OTC: variants seen among roughly 807,000 people sequenced by gnomAD.
OTC encodes the protein ornithine transcarbamylase, mitochondrial.
A neutral mutation model predicts 30.3 loss-of-function variants in OTC; 3 were observed. The ratio of observed to expected loss-of-function variants is 0.10; its 90% CI spans 0.05 to 0.26. OTC has a LOEUF of 0.26. Ranked by LOEUF, OTC falls within the 10% of genes least tolerant of loss-of-function variation. The probability of loss-of-function intolerance (pLI) is 1.00; values close to 1 mark genes in which losing one functional copy is unlikely to be tolerated. For missense variants in OTC, 194 were observed against 260.3 expected (o/e 0.75, Z 1.75); for synonymous variants, 111 against 99.7 (o/e 1.11, Z -0.67).
chrX:38,378,774 A>G (rs1208230273), intron 3 of OTC, among the ~76,000 whole-genome samples: 1 of 112,416 alleles, frequency 8.9e-6, no homozygotes, highest in Non-Finnish European at 1.9e-5. Context: ...AATATCTCAC[A>G]TGCACCAGGA....
intron 1 of OTC, among the ~76,000 whole-genome samples, chrX:38,359,322 C>T (rs1017044409): frequency 8.9e-6 from 1 of 111,755 alleles, no homozygotes; most frequent in Non-Finnish European, 1.9e-5. Context: ...GCTTTAGCAA[C>T]ACACTAGGCC....
rs2147345085 is a variant in OTC at position 38,408,890 on chromosome X, G to C, written c.732G>C (p.Leu244=). The change falls in exon 8 of 10, where the codon CTG becomes CTC. Residue 244 remains leucine, a synonymous_variant. Transcript: ENST00000039007. ...EQYAKENGTK[L]LLTNDPLEAA... is the part of the protein sequence containing the mutation. ...ATGTATGCTAGAATGGTACCAAGCT[G>C]TTGCTGACAAATGATCCATTGGAAG... 1.7e-6 allele frequency: 2 copies of C among 1,208,980 alleles called. No homozygotes were observed. Among genetic ancestry groups the C allele is most frequent in the Non-Finnish European group, 2.2e-6 (2 of 894,003 alleles).
chrX:38,386,085 A>G (rs2068401275), intron 4 of OTC, among the ~76,000 whole-genome samples: 2 of 101,552 alleles, frequency 2.0e-5, no homozygotes, highest in African/African-American at 3.7e-5. Context: ...AGGCTCTGTT[A>G]AAAAAAAAGG....
At chrX:38,365,831 A>T (rs1049956353) in intron 1 of OTC, among the ~76,000 whole-genome samples, 1 of 112,097 alleles carries the variant, frequency 8.9e-6, no homozygotes, top group African/African-American at 3.2e-5. Context: ...ACTTCCCATG[A>T]AGCAATAGGG....
intron 3 of OTC, among the ~76,000 whole-genome samples, chrX:38,377,124 C>T (rs2068352301): frequency 9.0e-6 from 1 of 111,466 alleles, no homozygotes; most frequent in Non-Finnish European, 1.9e-5. Flanking sequence ...TATTTTCTGA[C>T]CACAATGGAA....
In OTC at chrX:38,359,323, A is replaced by C. The variant is rs772891861; in HGVS notation, c.77+6550A>C. ...TCTAGGGGATTTCAGCTTTAGCAAC[A>C]CACTAGGCCACAGTCAATTATCCTC... On this transcript the variant is annotated intron_variant, in intron 1 of 9. Coordinates refer to ENST00000039007, the MANE Select transcript of OTC (RefSeq NM_000531.6). Among the ~76,000 whole-genome samples the C allele has an allele frequency of 4.5e-5, 5 of 111,404 alleles. No individual in the cohort carries two copies. The South Asian group carries it at 1.9e-3, about 42-fold the overall frequency.
Position 38,386,155 on chromosome X carries a change from G to A in OTC, c.386+4726G>A, listed in dbSNP as rs765701693. Among the ~76,000 whole-genome samples the A allele has an allele frequency of 1.2e-4, 13 of 105,584 alleles. No individual in the cohort carries two copies. The South Asian group carries it at 3.8e-3, about 31-fold the overall frequency. The allele number at this position is 105,584 out of a possible 115,157, so 91.7% of individuals were successfully genotyped here. ...CTTGGGAGGCCAAGGTGGGCAGATC[G>A]CGAGGTCAGGAGTTTGAGACCAGCC... is the stretch of plus-strand genomic sequence containing the variant. On this transcript the variant is annotated intron_variant, in intron 4 of 9. Coordinates refer to ENST00000039007, the MANE Select transcript of OTC (RefSeq NM_000531.6).
intron 4 of OTC, among the ~76,000 whole-genome samples, chrX:38,388,351 A>G (rs1229976546): frequency 9.0e-6 from 1 of 111,269 alleles, no homozygotes; most frequent in Non-Finnish European, 1.9e-5. Flanking sequence ...ATACACATAG[A>G]TATTCAGTTA....
At chrX:38,380,107 G>A (rs1471455638) in intron 3 of OTC, among the ~76,000 whole-genome samples, 1 of 111,475 alleles carries the variant, frequency 9.0e-6, no homozygotes, top group Non-Finnish European at 1.9e-5. Flanking sequence ...GTCCTATATG[G>A]CTATGATGTC....
intron 4 of OTC, among the ~76,000 whole-genome samples, chrX:38,394,307 T>A (rs1239811679): frequency 8.9e-6 from 1 of 112,639 alleles, no homozygotes; most frequent in Non-Finnish European, 1.9e-5. Context: ...TTATAACAGT[T>A]AAAATAATTG....
downstream of OTC, among the ~76,000 whole-genome samples, chrX:38,422,704 A>T (rs1417465919): frequency 1.8e-5 from 2 of 112,122 alleles, no homozygotes; most frequent in Non-Finnish European, 3.8e-5. Context: ...TTCTGTAGGA[A>T]TGTATTTGCT....
At chrX:38,378,312 G>T (rs1404072035) in intron 3 of OTC, among the ~76,000 whole-genome samples, 1 of 104,177 alleles carries the variant, frequency 9.6e-6, no homozygotes, top group Non-Finnish European at 1.9e-5. Context: ...TGCAACTTGG[G>T]TCCTGTAAAT....
chrX:38,338,007 T>C, the OTC span, among the ~76,000 whole-genome samples: 1 of 111,932 alleles, frequency 8.9e-6, no homozygotes, highest in Non-Finnish European at 1.9e-5. Flanking sequence ...GCAAAAGAGA[T>C]TTAATGAGAA....
intron 3 of OTC, among the ~76,000 whole-genome samples, chrX:38,376,197 A>G (rs2147328038): frequency 9.0e-6 from 1 of 111,045 alleles, no homozygotes; most frequent in East Asian, 2.8e-4. Context: ...AGAAGAGAGG[A>G]ACTAGAAAAA....
intron 3 of OTC, among the ~76,000 whole-genome samples, chrX:38,377,982 G>A (rs1482642976): frequency 1.8e-5 from 2 of 109,079 alleles, no homozygotes; most frequent in African/African-American, 3.3e-5. Context: ...GATTACAGGC[G>A]CCCGCCACCA....
At chrX:38,365,864 A>G (rs1008509784) in intron 1 of OTC, among the ~76,000 whole-genome samples, 1 of 112,242 alleles carries the variant, frequency 8.9e-6, no homozygotes, top group African/African-American at 3.2e-5. Context: ...AAGACCTAGC[A>G]TGGTATTGTT....
At chrX:38,419,849 G>A (rs1308382624) in intron 9 of OTC, among the ~76,000 whole-genome samples, 3 of 111,278 alleles carry the variant, frequency 2.7e-5, no homozygotes, top group African/African-American at 9.8e-5. Flanking sequence ...ATGATTACCA[G>A]AGGATGGGGG....
the OTC span, among the ~76,000 whole-genome samples, chrX:38,334,765 A>G: frequency 8.9e-6 from 1 of 111,922 alleles, no homozygotes; most frequent in African/African-American, 3.2e-5. Context: ...TCCCTAGGGC[A>G]GGGGTCCCCA....
Position 38,396,672 on chromosome X carries a change from C to G in OTC, c.387-4603C>G, listed in dbSNP as rs975224865. Among the ~76,000 whole-genome samples, 17 of 110,681 alleles carry G rather than the reference C, an allele frequency of 1.5e-4. No individual in the cohort carries two copies. In the South Asian group the frequency reaches 1.6e-3, roughly 10 times the overall value. ...CCTCTAATCCAAGCTACTTGGTAGA[C>G]TGAGGCCGGATAATTGCTTGAACCT... On this transcript the variant is annotated intron_variant, in intron 4 of 9. Coordinates refer to ENST00000039007, the MANE Select transcript of OTC (RefSeq NM_000531.6).
Sources: gnomAD v4.1 joint callset for allele counts (sites outside exome capture counted in the v4.1 genomes callset) on GRCh38, gnomAD v4.1.1 for gene constraint, MANE v1.5 for transcripts, NCBI Gene and HGNC (gene_info 2026-07-23, HGNC 2026-07-21) for gene names.